Variants in EYS observed in about 807,000 individuals in gnomAD.
EYS encodes the protein protein eyes shut homolog.
EYS carries 250 observed loss-of-function variants against 282.1 expected under a neutral mutation model. The ratio of observed to expected loss-of-function variants is 0.89; its 90% CI spans 0.80 to 0.98. The LOEUF (loss-of-function observed/expected upper bound fraction) is 0.98. Ranked by LOEUF, EYS falls within the 50% of genes least tolerant of loss-of-function variation. The pLI is 0.00. For synonymous variants in EYS, 1,355 were observed against 1,282.9 expected, an observed-to-expected ratio of 1.06 and a Z score of -1.20; for missense variants, 4,016 against 3,709.0, an observed-to-expected ratio of 1.08 and a Z score of -2.15.
intron 12 of EYS, among the ~76,000 whole-genome samples, chr6:65,112,052 A>G (rs1451240340): frequency 6.6e-6 from 1 of 152,180 alleles, no homozygotes; most frequent in Non-Finnish European, 1.5e-5. Flanking sequence ...ACAACTTGCC[A>G]AACGCAGGCC....
chr6:63,781,035 AT>A (rs1434641138), intron 39 of EYS, among the ~76,000 whole-genome samples: 16 of 152,096 alleles, frequency 1.1e-4, no homozygotes, highest in African/African-American at 3.4e-4. Flanking sequence ...TTTTTATCAG[AT>A]TTGTCAAAGA....
chr6:65,112,321 C>A (rs925341625), intron 12 of EYS, among the ~76,000 whole-genome samples: 1 of 151,976 alleles, frequency 6.6e-6, no homozygotes, highest in African/African-American at 2.4e-5. Flanking sequence ...GTATATATGA[C>A]CTACCTTTAT....
intron 12 of EYS, among the ~76,000 whole-genome samples, chr6:65,224,872 T>C (rs1766579156): frequency 6.6e-6 from 1 of 151,956 alleles, no homozygotes. Flanking sequence ...CAGGAAGAAA[T>C]GCAAAATCTG....
chr6:63,788,008 T>C (rs1770409404), intron 39 of EYS, 97 bp downstream of exon 39: 1 of 896,998 alleles, frequency 1.1e-6, no homozygotes, highest in African/African-American at 1.8e-5. Flanking sequence ...GCAATCCATA[T>C]AGCTGGTTTG....
intron 41 of EYS, among the ~76,000 whole-genome samples, chr6:63,749,540 T>C (rs1040226584): frequency 6.6e-6 from 1 of 152,182 alleles, no homozygotes; most frequent in African/African-American, 2.4e-5. Flanking sequence ...AATATCTTTG[T>C]TAATTTTCTG....
intron 31 of EYS, among the ~76,000 whole-genome samples, chr6:64,222,627 AT>A (rs1392101329): frequency 1.3e-5 from 2 of 152,092 alleles, no homozygotes; most frequent in Admixed American, 1.3e-4. Context: ...CTCTACCATT[AT>A]TTAAAATGTT....
intron 22 of EYS, among the ~76,000 whole-genome samples, chr6:64,687,989 T>C (rs991924860): frequency 1.3e-5 from 2 of 152,226 alleles, no homozygotes; most frequent in South Asian, 2.1e-4. Context: ...CAATTTCTTC[T>C]AGATTTTCTA....
intron 13 of EYS, among the ~76,000 whole-genome samples, chr6:65,015,328 C>T (rs924541779): frequency 1.3e-4 from 20 of 152,174 alleles, no homozygotes; most frequent in Admixed American, 7.9e-4. Flanking sequence ...AGTTATCACG[C>T]TAATTTGTGA....
chr6:65,548,394 A>C (rs1246506528), intron 2 of EYS, among the ~76,000 whole-genome samples: 1 of 152,212 alleles, frequency 6.6e-6, no homozygotes, highest in Non-Finnish European at 1.5e-5. Context: ...GGACATTAAA[A>C]AATTGCAACT....
At chr6:64,824,956 T>C (rs1206789783) in intron 19 of EYS, among the ~76,000 whole-genome samples, 2 of 151,928 alleles carry the variant, frequency 1.3e-5, no homozygotes, top group Non-Finnish European at 2.9e-5. Flanking sequence ...TTGGTCTCTA[T>C]AAACCATTCT....
At chr6:64,685,643 G>A (rs925687253) in intron 22 of EYS, among the ~76,000 whole-genome samples, 17 of 152,222 alleles carry the variant, frequency 1.1e-4, no homozygotes, top group Admixed American at 6.5e-5. Flanking sequence ...TGAGGCTTTT[G>A]CTAGAAGTTC....
At chr6:64,314,194 C>CCAA (rs1491222540) in intron 29 of EYS, among the ~76,000 whole-genome samples, 1 of 27,676 alleles carries the variant, frequency 3.6e-5, no homozygotes, top group Admixed American at 6.5e-4. Context: ...AAATGGAAAG[C>CCAA]AAAAAAAAAA....
At chr6:64,608,985 T>C (rs1314415923) in intron 24 of EYS, among the ~76,000 whole-genome samples, 1 of 152,156 alleles carries the variant, frequency 6.6e-6, no homozygotes, top group Admixed American at 6.6e-5. Flanking sequence ...TACATGTCAT[T>C]ATGCATTTGT....
At chr6:65,610,826 A>G (rs1190229351) in intron 2 of EYS, among the ~76,000 whole-genome samples, 6 of 152,104 alleles carry the variant, frequency 3.9e-5, no homozygotes, top group African/African-American at 1.4e-4. Context: ...TATAATGATC[A>G]AAATATCTCT....
chr6:64,980,955 T>A (rs1172943999), intron 14 of EYS, among the ~76,000 whole-genome samples: 1 of 151,462 alleles, frequency 6.6e-6, no homozygotes, highest in Non-Finnish European at 1.5e-5. Flanking sequence ...GGTACTGCTC[T>A]CATTTTAAAA....
intron 8 of EYS, among the ~76,000 whole-genome samples, chr6:65,371,921 T>C (rs1310848744): frequency 2.0e-5 from 3 of 151,470 alleles, no homozygotes; most frequent in East Asian, 1.9e-4. Flanking sequence ...ATTGTACTCA[T>C]ATGGAATTCT....
chr6:64,110,282 A>G (rs1773163815), intron 31 of EYS, among the ~76,000 whole-genome samples: 1 of 151,552 alleles, frequency 6.6e-6, no homozygotes, highest in Admixed American at 6.6e-5. Flanking sequence ...ATGAAGTAGA[A>G]TATTTTATAT....
intron 31 of EYS, among the ~76,000 whole-genome samples, chr6:64,139,972 A>G (rs554676634): frequency 0.015 from 773 of 50,780 alleles, 3 homozygotes; most frequent in Non-Finnish European, 0.023. Flanking sequence ...TGTCTCAATA[A>G]ATAAATAAAT....
At chr6:65,513,253 C>T (rs1320436772) in intron 2 of EYS, among the ~76,000 whole-genome samples, 1 of 152,128 alleles carries the variant, frequency 6.6e-6, no homozygotes, top group African/African-American at 2.4e-5. Context: ...GAAGTTGAAT[C>T]TCTGAATAGA....
Sources: gnomAD v4.1 joint callset for allele counts (sites outside exome capture counted in the v4.1 genomes callset) on GRCh38, gnomAD v4.1.1 for gene constraint, MANE v1.5 for transcripts, NCBI Gene and HGNC (gene_info 2026-07-23, HGNC 2026-07-21) for gene names.